Variants in ZNF185 observed in about 807,000 individuals in gnomAD.
ZNF185 encodes zinc finger protein 185.
ZNF185 carries 56 observed loss-of-function variants against 58.6 expected under a neutral mutation model. That is an observed-to-expected ratio of 0.95 (90% CI 0.77 to 1.19). The LOEUF is 1.19. ZNF185 is among the 50% of genes most tolerant of loss of function. The pLI, the probability that ZNF185 is intolerant of heterozygous loss-of-function variation, is 0.00. For synonymous variants in ZNF185, 230 were observed against 215.9 expected (o/e 1.07, Z -0.57); for missense variants, 627 against 573.5 (o/e 1.09, Z -0.95).
At chrX:152,931,080 G>T (rs955329666) in intron 12 of ZNF185, among the ~76,000 whole-genome samples, 12 of 111,870 alleles carry the variant, frequency 1.1e-4, no homozygotes, top group Non-Finnish European at 1.7e-4. Flanking sequence ...TTGATTTGCA[G>T]AGTTAATGCA....
chrX:152,969,291 CCTGGCTGCACCAAATTGGAAGGT>C, intron 20 of ZNF185, 68 bp from the exon 23 acceptor site: 1 of 755,758 alleles, frequency 1.3e-6, no homozygotes, highest in Non-Finnish European at 2.0e-6. Flanking sequence ...CAAACCTGGG[CCTGGCTGCACCAAATTGGAAGGT>C]CTGGCTGTGT....
At chrX:152,941,572 G>C in intron 15 of ZNF185, 1 of 1,025,777 alleles carries the variant, frequency 9.7e-7, no homozygotes, top group Non-Finnish European at 1.3e-6. Context: ...CGCCACCAGC[G>C]TACGCGACGC....
Position 152,969,364 on chromosome X carries a change from T to C in ZNF185, c.1872-18T>C. 1 of 1,184,252 alleles carries C rather than the reference T, an allele frequency of 8.4e-7. No individual in the cohort carries two copies. The highest frequency in any genetic ancestry group is 1.8e-5 in the South Asian group (1 of 54,366). On this transcript the variant is annotated intron_variant, in intron 20 of 22. Transcript: ENST00000449285. ...GTACACCAGCCTGACCACCGGGTTA[T>C]TGTTCTTCATCTCACAGGACAACTG...
rs782468792 is a variant in ZNF185 at position 152,918,964 on chromosome X, C to T, written c.432-19C>T. On this transcript the variant is annotated intron_variant, in intron 6 of 22. Transcript: ENST00000449285. ...AGGGTGGCAGCCTATGACAGGAAAG[C>T]GCCTCTCCCCTCTCTTAGGGCACCC... is the stretch of plus-strand genomic sequence containing the variant. 1.5e-5 allele frequency: 17 copies of T among 1,170,440 alleles called. No homozygotes were observed. Among genetic ancestry groups the T allele is most frequent in the South Asian group, 5.5e-5 (3 of 54,498 alleles).
chrX:152,926,033 C>T (rs782518024), intron 11 of ZNF185, among the ~76,000 whole-genome samples: 59 of 112,492 alleles, frequency 5.2e-4, no homozygotes, highest in Non-Finnish European at 9.8e-4. Context: ...CTGCTTTACC[C>T]GAAGCACTGG....
At chrX:152,922,577 G>A (rs1939961574) in intron 10 of ZNF185, 143 bp from the exon 12 acceptor site, 1 of 572,499 alleles carries the variant, frequency 1.7e-6, no homozygotes, top group Non-Finnish European at 2.8e-6. Flanking sequence ...CCATCCTTGG[G>A]GTTTGAGAGG....
At chrX:152,957,986 C>T (rs2049024231) in intron 16 of ZNF185, among the ~76,000 whole-genome samples, 1 of 112,082 alleles carries the variant, frequency 8.9e-6, no homozygotes, top group African/African-American at 3.2e-5. Flanking sequence ...CCCTGAGTGG[C>T]CCTGGTGATC....
At chrX:152,939,776 GTT>G (rs57118182) in intron 15 of ZNF185, among the ~76,000 whole-genome samples, 16 of 49,843 alleles carry the variant, frequency 3.2e-4, no homozygotes, top group African/African-American at 1.3e-3. Flanking sequence ...AATCAGAGGT[GTT>G]TTTTTTTTTT....
chrX:152,937,468 C>G (rs2046442771), intron 14 of ZNF185, among the ~76,000 whole-genome samples: 1 of 108,494 alleles, frequency 9.2e-6, no homozygotes, highest in African/African-American at 3.5e-5. Flanking sequence ...TGTGTCCTGG[C>G]TCCCCTCTGT....
upstream of ZNF185, chrX:152,914,333 C>A (rs1474261350): frequency 2.0e-6 from 1 of 493,550 alleles, no homozygotes; most frequent in Non-Finnish European, 3.3e-6. Flanking sequence ...GCTTGCCACC[C>A]CCGATGTGCA....
the ZNF185 span, among the ~76,000 whole-genome samples, chrX:152,907,607 C>T: frequency 1.8e-5 from 2 of 113,106 alleles, no homozygotes; most frequent in East Asian, 2.8e-4. Context: ...AAGGGCGGGC[C>T]GGGGCATCTG....
In ZNF185 at chrX:152,920,762, A is replaced by T. The variant is rs782741829; in HGVS notation, c.656+14A>T. 3.7e-5 allele frequency: 45 copies of T among 1,209,859 alleles called. No individual in the cohort carries two copies. Among genetic ancestry groups the T allele is most frequent in the Non-Finnish European group, 4.7e-5 (42 of 894,641 alleles). On this transcript the variant is annotated intron_variant, in intron 9 of 22. Transcript: ENST00000449285. The stretch of plus-strand genomic sequence containing the variant: ...TATCGCGAAGAGGTAAGTGTCATCA[A>T]GGGACACCTTGGAGGCCTGTTACTG...
chrX:152,931,702 C>A (rs1942012101), exon 13 of ZNF185: 4 of 1,209,141 alleles, frequency 3.3e-6, no homozygotes, highest in Non-Finnish European at 4.5e-6. Context: ...ACAAGGAGGC[C>A]CCCTGCTCCA....
chrX:152,904,143 C>T, the ZNF185 span, among the ~76,000 whole-genome samples: 2 of 112,178 alleles, frequency 1.8e-5, no homozygotes, highest in Non-Finnish European at 3.8e-5. Context: ...CCCTGTTGGC[C>T]TCCAGGCGAG....
At chrX:152,935,936 A>G (rs2046229833) in intron 14 of ZNF185, among the ~76,000 whole-genome samples, 1 of 111,822 alleles carries the variant, frequency 8.9e-6, no homozygotes, top group Non-Finnish European at 1.9e-5. Context: ...TTCCCCACTA[A>G]ATCCATATTG....
chrX:152,953,941 A>G (rs1290111885), intron 16 of ZNF185, among the ~76,000 whole-genome samples: 1 of 110,738 alleles, frequency 9.0e-6, no homozygotes, highest in Non-Finnish European at 1.9e-5. Flanking sequence ...GGGTTTCGCC[A>G]TGCTGGCCAG....
intron 16 of ZNF185, among the ~76,000 whole-genome samples, chrX:152,949,221 G>A (rs5925260): frequency 0.3 from 33,063 of 111,220 alleles, 3,555 homozygotes; most frequent in South Asian, 0.38. Flanking sequence ...TGCCTGGTCC[G>A]TGGAGATCCC....
exon 23 of ZNF185, chrX:152,973,107 A>G (rs1159248542): frequency 8.9e-6 from 1 of 111,878 alleles, no homozygotes; most frequent in African/African-American, 3.3e-5. Flanking sequence ...CAGGCACTCA[A>G]TGAATGAGTG....
intron 16 of ZNF185, among the ~76,000 whole-genome samples, chrX:152,956,074 A>G (rs1373782527): frequency 9.0e-6 from 1 of 111,389 alleles, no homozygotes; most frequent in Non-Finnish European, 1.9e-5. Flanking sequence ...ATACATTTCA[A>G]TCAGTTTTGT....
Sources: allele counts gnomAD v4.1 joint callset (sites outside exome capture counted in the v4.1 genomes callset), GRCh38; gene constraint gnomAD v4.1.1; transcripts MANE v1.5; gene names NCBI Gene and HGNC (gene_info 2026-07-23, HGNC 2026-07-21).